The following ABTB2 variants were observed in gnomAD, a reference collection of about 807,000 sequenced individuals.
ABTB2 encodes ankyrin repeat and BTB domain containing 2, also known as ankyrin repeat and BTB/POZ domain-containing protein 2.
A neutral mutation model predicts 104.1 loss-of-function variants in ABTB2; 56 were observed. That is an observed-to-expected ratio of 0.54 (90% CI 0.43 to 0.67). ABTB2 has a LOEUF of 0.67. Among genes scored for constraint, ABTB2 ranks in the 30% least tolerant of loss-of-function variants. The pLI is 0.00. For synonymous variants in ABTB2, 606 were observed against 608.2 expected (o/e 1.00, Z 0.05); for missense variants, 1,279 against 1,407.7 (o/e 0.91, Z 1.46).
intron 1 of ABTB2, among the ~76,000 whole-genome samples, chr11:34,275,481 C>T (rs1285705016): frequency 6.6e-6 from 1 of 152,050 alleles, no homozygotes; most frequent in Non-Finnish European, 1.5e-5. Flanking sequence ...ATACAGGGCT[C>T]TCTTTTTTTT....
Position 34,295,218 on chromosome 11 carries a change from T to C in ABTB2, c.883+61483A>G, listed in dbSNP as rs536590689. On this transcript the variant is annotated intron_variant, in intron 1 of 16. Transcript: ENST00000435224. Reference sequence around the variant, plus strand: ...AAAATAAAAATATTGTTATATAAGATAGCATATTTGTTGCTGATGAGAATG... The same window carrying C: ...AAAATAAAAATATTGTTATATAAGACAGCATATTTGTTGCTGATGAGAATG... 2.6e-5 allele frequency among the ~76,000 whole-genome samples: 4 copies of C among 152,260 alleles called. No individual in the cohort carries two copies. The South Asian group carries it at 8.3e-4, about 32-fold the overall frequency.
At chr11:34,159,160 C>T in intron 14 of ABTB2, 136 bp downstream of exon 14, 1 of 673,348 alleles carries the variant, frequency 1.5e-6, no homozygotes, top group Non-Finnish European at 2.6e-6. Context: ...GACCTGGATG[C>T]TCTATTCATT....
chr11:34,348,959 G>A (rs1014563662), intron 1 of ABTB2, among the ~76,000 whole-genome samples: 5 of 152,108 alleles, frequency 3.3e-5, no homozygotes, highest in African/African-American at 1.2e-4. Context: ...CATTGCCTTG[G>A]ATGTAGCTGG....
chr11:34,219,443 T>C (rs568363881), intron 1 of ABTB2, among the ~76,000 whole-genome samples: 5 of 151,792 alleles, frequency 3.3e-5, no homozygotes, highest in African/African-American at 1.2e-4. Context: ...TGTGGGAGGC[T>C]GAGGAGGGAG....
At chr11:34,165,218 G>C in intron 8 of ABTB2, 42 bp downstream of exon 8, 2 of 1,510,112 alleles carry the variant, frequency 1.3e-6, no homozygotes, top group Non-Finnish European at 1.8e-6. Context: ...GGGGGGCACT[G>C]CAGGGAAGGG....
At chr11:34,320,892 T>C (rs537478371) in intron 1 of ABTB2, among the ~76,000 whole-genome samples, 1 of 152,140 alleles carries the variant, frequency 6.6e-6, no homozygotes, top group Admixed American at 6.6e-5. Context: ...CATTTAAAGA[T>C]GTTTTACTGG....
chr11:34,273,393 G>A (rs748171348), intron 1 of ABTB2, among the ~76,000 whole-genome samples: 1 of 152,194 alleles, frequency 6.6e-6, no homozygotes, highest in African/African-American at 2.4e-5. Flanking sequence ...GGGGAACCTC[G>A]ACCGACTCCA....
intron 1 of ABTB2, among the ~76,000 whole-genome samples, chr11:34,230,774 G>A (rs924588109): frequency 1.3e-5 from 2 of 152,138 alleles, no homozygotes; most frequent in Non-Finnish European, 2.9e-5. Context: ...AGTATGATCT[G>A]CAAATTCTTT....
intron 1 of ABTB2, among the ~76,000 whole-genome samples, chr11:34,217,097 TCTAAG>T (rs1853559191): frequency 6.6e-6 from 1 of 152,242 alleles, no homozygotes; most frequent in Non-Finnish European, 1.5e-5. Context: ...CGGAACTGCC[TCTAAG>T]CTGTTATTCT....
chr11:34,197,115 T>G (rs979133057), intron 3 of ABTB2, among the ~76,000 whole-genome samples: 3 of 149,874 alleles, frequency 2.0e-5, no homozygotes, highest in Admixed American at 6.7e-5. Context: ...GGCCCCATGC[T>G]GCATCAGCTC....
intron 1 of ABTB2, among the ~76,000 whole-genome samples, chr11:34,222,025 G>T (rs955713419): frequency 1.3e-5 from 2 of 152,170 alleles, no homozygotes; most frequent in Non-Finnish European, 2.9e-5. Flanking sequence ...CAGCCTGGGT[G>T]ACAGAGTGAG....
At position 34,345,487 on chromosome 11, in the gene ABTB2, C is replaced by T. The variant is rs114367670; in HGVS notation, c.883+11214G>A. ...TTGTTGGGTGAACAAACGGATGTAA[C>T]CCAAACAGAACTCCTGGCCTCTCCC... On this transcript the variant is annotated intron_variant, in intron 1 of 16. Transcript: ENST00000435224. Among the ~76,000 whole-genome samples the T allele has an allele frequency of 1.3e-3, 201 of 152,256 alleles. 1 individual carries two copies. Among genetic ancestry groups the T allele is most frequent in the African/African-American group, 4.7e-3 (194 of 41,548 alleles).
intron 3 of ABTB2, among the ~76,000 whole-genome samples, chr11:34,179,276 C>T (rs1414215782): frequency 6.6e-6 from 1 of 152,138 alleles, no homozygotes; most frequent in Admixed American, 6.5e-5. Context: ...CTCCTGGATA[C>T]TTGTGAGAGA....
chr11:34,158,439 G>C (rs1269889567), intron 14 of ABTB2, among the ~76,000 whole-genome samples: 1 of 152,088 alleles, frequency 6.6e-6, no homozygotes, highest in African/African-American at 2.4e-5. Context: ...CCATTTTAGA[G>C]GTGGCCCCAT....
At chr11:34,244,938 G>GTCA (rs34620970) in intron 1 of ABTB2, among the ~76,000 whole-genome samples, 91,969 of 151,746 alleles carry the variant, frequency 0.61, 28,129 homozygotes, top group African/African-American at 0.67. Flanking sequence ...AGCCCGGGAA[G>GTCA]TCAAGGCTGG....
At chr11:34,190,498 A>T (rs1853161983) in intron 3 of ABTB2, among the ~76,000 whole-genome samples, 1 of 152,158 alleles carries the variant, frequency 6.6e-6, no homozygotes, top group Non-Finnish European at 1.5e-5. Flanking sequence ...CTGGAGACTC[A>T]TAAGCCACTC....
chr11:34,313,263 C>T (rs897694281), intron 1 of ABTB2, among the ~76,000 whole-genome samples: 3 of 152,224 alleles, frequency 2.0e-5, no homozygotes, highest in Admixed American at 6.5e-5. Context: ...ACACCCCAAC[C>T]GCTTCTGGTG....
rs1461980392 is a variant in ABTB2, at chr11:34,204,813, TA to T, written c.884-124del. On this transcript the variant is annotated intron_variant, in intron 1 of 16. Transcript: ENST00000435224. ...TCTTGACAGAGAGAGGTTCAGGAGGTAAAATCTCTCTGAGCCTTGAGGACTT... is the reference window on the plus strand; with the variant it reads ...TCTTGACAGAGAGAGGTTCAGGAGGTAAATCTCTCTGAGCCTTGAGGACTT... The T allele has an allele frequency of 3.5e-6, 4 of 1,151,254 alleles. No homozygotes were observed. The African/African-American group carries it at 4.7e-5, about 14-fold the overall frequency. The allele number at this position is 1,151,254 out of a possible 1,614,324, so 71.3% of individuals were successfully genotyped here. A position where few individuals can be genotyped will look rare whatever the true frequency, so the allele number is the denominator to read the frequency against.
intron 1 of ABTB2, among the ~76,000 whole-genome samples, chr11:34,274,160 A>G (rs1854355370): frequency 2.7e-5 from 2 of 74,158 alleles, no homozygotes; most frequent in African/African-American, 1.2e-4. Context: ...CTCCGTCTCA[A>G]AAAAAAAAAA....
Sources: gnomAD v4.1 joint callset for allele counts (sites outside exome capture counted in the v4.1 genomes callset) on GRCh38, gnomAD v4.1.1 for gene constraint, MANE v1.5 for transcripts, NCBI Gene and HGNC (gene_info 2026-07-23, HGNC 2026-07-21) for gene names.